Variants in HCN1 observed in about 807,000 individuals in gnomAD.
The protein encoded by HCN1 is hyperpolarization activated cyclic nucleotide gated potassium channel 1, also known as potassium/sodium hyperpolarization-activated cyclic nucleotide-gated channel 1.
A neutral mutation model predicts 78.9 loss-of-function variants in HCN1; 13 were observed. The observed-to-expected ratio is 0.16, with a 90% CI of 0.11 to 0.26. HCN1 has a LOEUF of 0.26. Among genes scored for constraint, HCN1 ranks in the 10% least tolerant of loss-of-function variants. The pLI is 1.00. For missense variants in HCN1, 810 were observed against 1,154.3 expected (o/e 0.70, Z 4.32); for synonymous variants, 552 against 455.5 (o/e 1.21, Z -2.70).
intron 6 of HCN1, among the ~76,000 whole-genome samples, chr5:45,282,131 A>T (rs573020869): frequency 6.6e-6 from 1 of 152,286 alleles, no homozygotes; most frequent in East Asian, 1.9e-4. Context: ...CCATATAATG[A>T]TATGTATATA....
At chr5:45,335,203 A>T (rs566974747) in intron 5 of HCN1, among the ~76,000 whole-genome samples, 3 of 152,028 alleles carry the variant, frequency 2.0e-5, no homozygotes, top group Non-Finnish European at 4.4e-5. Flanking sequence ...CTTTCTTGAC[A>T]GTTAAGTTTG....
At position 45,349,953 on chromosome 5, in the gene HCN1, G is replaced by A. The variant is rs984259715; in HGVS notation, c.1377+3147C>T. ...CGAATTCCACCAGAGGTACAAGGAG[G>A]AACTGGTACCATTCCTTCTGAAACT... On this transcript the variant is annotated intron_variant, in intron 5 of 7. Coordinates refer to ENST00000303230, the MANE Select transcript of HCN1 (RefSeq NM_021072.4). Among the ~76,000 whole-genome samples, 4 of 152,242 alleles carry A rather than the reference G, an allele frequency of 2.6e-5. No homozygotes were observed. The East Asian group carries it at 5.8e-4, about 22-fold the overall frequency.
chr5:45,330,691 G>A (rs1417412962), intron 5 of HCN1, among the ~76,000 whole-genome samples: 1 of 150,940 alleles, frequency 6.6e-6, no homozygotes, highest in Admixed American at 6.6e-5. Flanking sequence ...AGCTTTGCAA[G>A]AAATTCTTAT....
At chr5:45,374,062 T>C (rs564847662) in intron 4 of HCN1, among the ~76,000 whole-genome samples, 1,218 of 84,734 alleles carry the variant, frequency 0.014, 21 homozygotes, top group African/African-American at 0.052. Context: ...ATATTATATA[T>C]ATAATATATA....
chr5:45,500,317 G>A (rs1436334342), intron 2 of HCN1, among the ~76,000 whole-genome samples: 1 of 152,130 alleles, frequency 6.6e-6, no homozygotes, highest in East Asian at 1.9e-4. Context: ...AATATCAATA[G>A]CTTAGGTGGA....
At chr5:45,517,971 T>G (rs1742544519) in intron 2 of HCN1, among the ~76,000 whole-genome samples, 1 of 152,098 alleles carries the variant, frequency 6.6e-6, no homozygotes, top group Admixed American at 6.6e-5. Flanking sequence ...CAATTCCTAC[T>G]AATACACCTC....
At chr5:45,532,732 G>C (rs1453557961) in intron 2 of HCN1, among the ~76,000 whole-genome samples, 1 of 152,180 alleles carries the variant, frequency 6.6e-6, no homozygotes, top group Non-Finnish European at 1.5e-5. Flanking sequence ...GCCAAAGACA[G>C]TGGTCAGAAT....
intron 6 of HCN1, among the ~76,000 whole-genome samples, chr5:45,279,780 T>C (rs1312961162): frequency 1.3e-5 from 2 of 152,086 alleles, no homozygotes; most frequent in Non-Finnish European, 2.9e-5. Flanking sequence ...ATCACTAAAA[T>C]ATAAATATTC....
At position 45,314,386 on chromosome 5, in the gene HCN1, C is replaced by T. The variant is rs180785722; in HGVS notation, c.1378-10547G>A. Among the ~76,000 whole-genome samples the T allele has an allele frequency of 4.1e-4, 62 of 152,248 alleles. 1 individual carries two copies. In the East Asian group the frequency reaches 6.4e-3, roughly 16 times the overall value. ...AGCACTAAACATGGAAAGGAACGAC[C>T]GGTACCAGCCATTGCAAAAACATGC... On this transcript the variant is annotated intron_variant, in intron 5 of 7. Coordinates refer to ENST00000303230, the MANE Select transcript of HCN1 (RefSeq NM_021072.4).
At chr5:45,564,223 A>G (rs1457324270) in intron 2 of HCN1, among the ~76,000 whole-genome samples, 1 of 152,030 alleles carries the variant, frequency 6.6e-6, no homozygotes, top group Non-Finnish European at 1.5e-5. Context: ...AGTAAAAATA[A>G]TGTGAACAAG....
At chr5:45,305,780 A>G (rs1745721209) in intron 5 of HCN1, among the ~76,000 whole-genome samples, 1 of 149,122 alleles carries the variant, frequency 6.7e-6, no homozygotes, top group Non-Finnish European at 1.5e-5. Context: ...GAAGAAAGGA[A>G]GGAAGGAAGG....
At chr5:45,459,560 C>T (rs537991135) in intron 3 of HCN1, among the ~76,000 whole-genome samples, 1 of 151,850 alleles carries the variant, frequency 6.6e-6, no homozygotes, top group African/African-American at 2.4e-5. Context: ...CATTTGAGCA[C>T]ATATAGACAT....
intron 1 of HCN1, among the ~76,000 whole-genome samples, chr5:45,672,457 T>C (rs1746169503): frequency 6.6e-6 from 1 of 151,338 alleles, no homozygotes; most frequent in South Asian, 2.1e-4. Flanking sequence ...GTATTTATAG[T>C]TGTATTACAA....
chr5:45,563,518 T>A (rs1217584689), intron 2 of HCN1, among the ~76,000 whole-genome samples: 14 of 152,056 alleles, frequency 9.2e-5, no homozygotes. Flanking sequence ...ATTTCATTTA[T>A]GAATTGAACA....
chr5:45,436,597 A>G (rs1340870555), intron 3 of HCN1, among the ~76,000 whole-genome samples: 1 of 152,192 alleles, frequency 6.6e-6, no homozygotes, highest in Non-Finnish European at 1.5e-5. Context: ...TCAGTTTGCT[A>G]TGGCAAGTAG....
At chr5:45,270,249 A>C (rs374069021) in intron 6 of HCN1, among the ~76,000 whole-genome samples, 1 of 152,210 alleles carries the variant, frequency 6.6e-6, no homozygotes, top group Admixed American at 6.5e-5. Flanking sequence ...TGTGAAGGCA[A>C]AAGTTGTACT....
At chr5:45,584,083 T>C (rs1220153465) in intron 2 of HCN1, among the ~76,000 whole-genome samples, 1 of 152,176 alleles carries the variant, frequency 6.6e-6, no homozygotes, top group Non-Finnish European at 1.5e-5. Context: ...CTGGATATCC[T>C]TGTTAACTTT....
intron 5 of HCN1, among the ~76,000 whole-genome samples, chr5:45,352,742 G>C (rs746559988): frequency 6.6e-6 from 1 of 151,860 alleles, no homozygotes; most frequent in Non-Finnish European, 1.5e-5. Flanking sequence ...GGGTCCATGA[G>C]ATGATCCAGG....
intron 5 of HCN1, among the ~76,000 whole-genome samples, chr5:45,325,879 G>A (rs1448986824): frequency 6.6e-6 from 1 of 151,390 alleles, no homozygotes; most frequent in Non-Finnish European, 1.5e-5. Flanking sequence ...GAGATCTTAT[G>A]GTGCAACTCC....
Sources: allele counts gnomAD v4.1 joint callset (sites outside exome capture counted in the v4.1 genomes callset), GRCh38; gene constraint gnomAD v4.1.1; transcripts MANE v1.5; gene names NCBI Gene and HGNC (gene_info 2026-07-23, HGNC 2026-07-21).